Variants in CHRM3 observed in about 807,000 individuals in gnomAD.
CHRM3 encodes the protein cholinergic receptor muscarinic 3.
A neutral mutation model predicts 41.8 loss-of-function variants in CHRM3; 11 were observed. The ratio of observed to expected loss-of-function variants is 0.26; its 90% confidence interval spans 0.17 to 0.44. The LOEUF is 0.44. Ranked by LOEUF, CHRM3 falls within the 20% of genes least tolerant of loss-of-function variation. CHRM3 has a pLI of 1.00. For synonymous variants in CHRM3, 297 were observed against 301.4 expected (o/e 0.99, Z 0.15); for missense variants, 571 against 745.4 (o/e 0.77, Z 2.72).
intron 1 of CHRM3, among the ~76,000 whole-genome samples, chr1:239,478,010 G>A (rs112803247): frequency 1.2e-3 from 183 of 152,290 alleles, no homozygotes; most frequent in African/African-American, 4.2e-3. Flanking sequence ...TCCAGGAGTA[G>A]GGCTGGAGAG....
chr1:239,488,854 C>A (rs773338133), intron 1 of CHRM3, among the ~76,000 whole-genome samples: 2 of 151,156 alleles, frequency 1.3e-5, no homozygotes, highest in Non-Finnish European at 2.9e-5. Context: ...ACAATTTCCC[C>A]TGTATAAATT....
intron 6 of CHRM3, among the ~76,000 whole-genome samples, chr1:239,867,013 T>C (rs1352917304): frequency 1.3e-5 from 2 of 152,162 alleles, no homozygotes; most frequent in Non-Finnish European, 1.5e-5. Context: ...CACTCCAACC[T>C]GCATCTGTCT....
At chr1:239,560,732 G>A (rs753629486) in intron 3 of CHRM3, among the ~76,000 whole-genome samples, 5 of 151,910 alleles carry the variant, frequency 3.3e-5, no homozygotes, top group Non-Finnish European at 5.9e-5. Flanking sequence ...CTTTGACTGT[G>A]TCTGGGTCCA....
At chr1:239,444,062 A>G (rs1663938137) in intron 1 of CHRM3, among the ~76,000 whole-genome samples, 1 of 152,200 alleles carries the variant, frequency 6.6e-6, no homozygotes. Context: ...ACTGGGAGTC[A>G]GGCACCAGGC....
intron 4 of CHRM3, among the ~76,000 whole-genome samples, chr1:239,650,776 A>G (rs1672163997): frequency 6.6e-6 from 1 of 152,236 alleles, no homozygotes; most frequent in African/African-American, 2.4e-5. Context: ...GAGATTTTGT[A>G]TTGAGAAGCA....
At chr1:239,770,292 A>C (rs930159616) in intron 5 of CHRM3, among the ~76,000 whole-genome samples, 6 of 152,214 alleles carry the variant, frequency 3.9e-5, no homozygotes, top group Non-Finnish European at 8.8e-5. Flanking sequence ...ATGTGTTTGC[A>C]GATTCATTTG....
At chr1:239,847,271 C>T (rs1286919254) in intron 6 of CHRM3, among the ~76,000 whole-genome samples, 7 of 152,166 alleles carry the variant, frequency 4.6e-5, no homozygotes, top group Non-Finnish European at 7.3e-5. Flanking sequence ...CTTTCCACTA[C>T]GTGGTTACGT....
chr1:239,541,855 C>G (rs1298281371), intron 2 of CHRM3, among the ~76,000 whole-genome samples: 5 of 152,150 alleles, frequency 3.3e-5, no homozygotes, highest in African/African-American at 1.2e-4. Context: ...GCCTTTCTGT[C>G]ATTCTTCCTT....
At chr1:239,682,725 T>G (rs1051034235) in intron 5 of CHRM3, among the ~76,000 whole-genome samples, 2 of 152,172 alleles carry the variant, frequency 1.3e-5, no homozygotes, top group African/African-American at 4.8e-5. Flanking sequence ...TTGAGTTGAT[T>G]GTTAAGGTTT....
chr1:239,421,001 T>A (rs1195396348), intron 1 of CHRM3, among the ~76,000 whole-genome samples: 1 of 152,170 alleles, frequency 6.6e-6, no homozygotes, highest in African/African-American at 2.4e-5. Flanking sequence ...AAAAAGAGGC[T>A]ATAAAGATTG....
chr1:239,783,646 T>C (rs1210273467), intron 5 of CHRM3, among the ~76,000 whole-genome samples: 1 of 152,162 alleles, frequency 6.6e-6, no homozygotes, highest in Non-Finnish European at 1.5e-5. Flanking sequence ...AAAAACAGAC[T>C]CAAATTTAGA....
chr1:239,780,341 T>C (rs1247608230), intron 5 of CHRM3, among the ~76,000 whole-genome samples: 1 of 152,244 alleles, frequency 6.6e-6, no homozygotes, highest in African/African-American at 2.4e-5. Context: ...TGTGTAGTGG[T>C]ATCCTGTTGT....
chr1:239,862,469 A>G (rs1423788335), intron 6 of CHRM3, among the ~76,000 whole-genome samples: 5 of 152,232 alleles, frequency 3.3e-5, no homozygotes, highest in African/African-American at 9.6e-5. Flanking sequence ...GACAATTCCA[A>G]TGACATTACA....
At chr1:239,406,532 A>G (rs932388964) in intron 1 of CHRM3, among the ~76,000 whole-genome samples, 2 of 152,192 alleles carry the variant, frequency 1.3e-5, no homozygotes, top group African/African-American at 4.8e-5. Flanking sequence ...CACCATTAAC[A>G]TCGCCATTAC....
At chr1:239,512,723 A>G (rs1390650424) in intron 2 of CHRM3, among the ~76,000 whole-genome samples, 1 of 150,402 alleles carries the variant, frequency 6.6e-6, no homozygotes, top group Non-Finnish European at 1.5e-5. Flanking sequence ...TGTTTTCTTG[A>G]AGGTATAACC....
intron 3 of CHRM3, among the ~76,000 whole-genome samples, chr1:239,558,788 A>G (rs1396092515): frequency 1.3e-5 from 2 of 152,214 alleles, no homozygotes; most frequent in Non-Finnish European, 1.5e-5. Context: ...TGTAAGAATT[A>G]TGAGTCACCT....
intron 3 of CHRM3, among the ~76,000 whole-genome samples, chr1:239,591,565 T>G (rs1664151645): frequency 6.6e-6 from 1 of 150,426 alleles, no homozygotes; most frequent in African/African-American, 2.5e-5. Flanking sequence ...AAATCAAGAC[T>G]ATAGCAAAAT....
chr1:239,685,195 G>A (rs1466904554), intron 5 of CHRM3, among the ~76,000 whole-genome samples: 2 of 152,136 alleles, frequency 1.3e-5, no homozygotes, highest in South Asian at 4.1e-4. Flanking sequence ...CAGAACTCCA[G>A]CCGGGACCTG....
At chr1:239,533,834 T>A (rs1041835281) in intron 2 of CHRM3, among the ~76,000 whole-genome samples, 4 of 151,826 alleles carry the variant, frequency 2.6e-5, no homozygotes, top group Non-Finnish European at 5.9e-5. Context: ...AGCCCCATGA[T>A]TCATTACCTC....
Sources: gnomAD v4.1 joint callset for allele counts (sites outside exome capture counted in the v4.1 genomes callset) on GRCh38, gnomAD v4.1.1 for gene constraint, MANE v1.5 for transcripts, NCBI Gene and HGNC (gene_info 2026-07-23, HGNC 2026-07-21) for gene names.